The following SMYD3 variants were observed in gnomAD, a reference collection of about 807,000 sequenced individuals.
The protein encoded by SMYD3 is SET and MYND domain containing 3, also known as histone-lysine N-methyltransferase SMYD3.
SMYD3 carries 36 observed loss-of-function variants against 57.7 expected under a neutral mutation model. The ratio of observed to expected loss-of-function variants is 0.62; its 90% CI spans 0.48 to 0.82. The LOEUF (loss-of-function observed/expected upper bound fraction) is 0.82. Ranked by LOEUF, SMYD3 falls within the 40% of genes least tolerant of loss-of-function variation. The probability of loss-of-function intolerance (pLI) is 0.00; values close to 1 mark genes in which losing one functional copy is unlikely to be tolerated. For missense variants in SMYD3, 515 were observed against 538.8 expected, an observed-to-expected ratio of 0.96 and a Z score of 0.44; for synonymous variants, 211 against 195.0, an observed-to-expected ratio of 1.08 and a Z score of -0.68.
chr1:245,865,746 C>T (rs1430552932), intron 8 of SMYD3, among the ~76,000 whole-genome samples: 1 of 152,220 alleles, frequency 6.6e-6, no homozygotes, highest in African/African-American at 2.4e-5. Flanking sequence ...GCAGCAGCCA[C>T]ATTCCAAGAA....
chr1:246,047,064 A>C (rs1046126391), intron 5 of SMYD3, among the ~76,000 whole-genome samples: 7 of 152,236 alleles, frequency 4.6e-5, no homozygotes, highest in South Asian at 2.1e-4. Context: ...TTAAAATGTC[A>C]TGCTTTCTAA....
chr1:246,315,142 C>CA (rs1396688421), intron 5 of SMYD3, among the ~76,000 whole-genome samples: 2 of 152,124 alleles, frequency 1.3e-5, no homozygotes, highest in Non-Finnish European at 2.9e-5. Flanking sequence ...GCTATGGTAT[C>CA]AGAGAGTTTC....
chr1:246,417,390 G>A (rs201455889), intron 1 of SMYD3: 2 of 150,750 alleles, frequency 1.3e-5, no homozygotes, highest in African/African-American at 2.4e-5. Context: ...AGAAGGAGGG[G>A]AGGTATCTCT....
At chr1:246,410,014 G>A (rs2066937228) in intron 1 of SMYD3, among the ~76,000 whole-genome samples, 2 of 152,192 alleles carry the variant, frequency 1.3e-5, no homozygotes, top group South Asian at 4.2e-4. Flanking sequence ...ATTTTTGCAT[G>A]TTGATTTTGT....
intron 5 of SMYD3, among the ~76,000 whole-genome samples, chr1:246,097,335 C>T (rs1254652430): frequency 1.3e-5 from 2 of 152,064 alleles, no homozygotes; most frequent in African/African-American, 4.8e-5. Flanking sequence ...GTGAATTCAA[C>T]CGTCTGAAGG....
chr1:245,892,370 T>TA (rs1488434295), intron 8 of SMYD3, among the ~76,000 whole-genome samples: 8 of 152,236 alleles, frequency 5.3e-5, no homozygotes, highest in African/African-American at 1.9e-4. Context: ...ATTGAACCCT[T>TA]AAAGTAGCTT....
intron 5 of SMYD3, among the ~76,000 whole-genome samples, chr1:245,959,768 G>A (rs995802201): frequency 5.3e-5 from 8 of 152,060 alleles, no homozygotes; most frequent in Non-Finnish European, 1.2e-4. Context: ...TAGTTCACTG[G>A]ACAACATCAC....
intron 8 of SMYD3, among the ~76,000 whole-genome samples, chr1:245,877,048 A>T (rs2052526994): frequency 6.6e-6 from 1 of 152,184 alleles, no homozygotes; most frequent in Admixed American, 6.5e-5. Flanking sequence ...AGGAGAGACA[A>T]GCAGGAAGGC....
chr1:245,935,341 T>C (rs2056938406), intron 5 of SMYD3, among the ~76,000 whole-genome samples: 1 of 151,918 alleles, frequency 6.6e-6, no homozygotes, highest in South Asian at 2.1e-4. Context: ...ATTAGGAAAA[T>C]ACAAAATAAA....
intron 8 of SMYD3, among the ~76,000 whole-genome samples, chr1:245,886,781 C>A (rs1336759453): frequency 6.6e-6 from 1 of 152,194 alleles, no homozygotes; most frequent in Non-Finnish European, 1.5e-5. Flanking sequence ...TCTACACACA[C>A]TCACGTTTTT....
At chr1:246,229,999 A>G (rs1357036535) in intron 5 of SMYD3, among the ~76,000 whole-genome samples, 1 of 152,196 alleles carries the variant, frequency 6.6e-6, no homozygotes, top group African/African-American at 2.4e-5. Flanking sequence ...TCCAAGTGTT[A>G]AGCAGGTGGA....
At chr1:245,810,243 G>T (rs1490308137) in intron 10 of SMYD3, among the ~76,000 whole-genome samples, 2 of 152,278 alleles carry the variant, frequency 1.3e-5, no homozygotes, top group East Asian at 3.9e-4. Context: ...GGCTGGGAGA[G>T]GCTGTCACAG....
At chr1:246,188,209 T>C (rs1253460875) in intron 5 of SMYD3, among the ~76,000 whole-genome samples, 1 of 152,034 alleles carries the variant, frequency 6.6e-6, no homozygotes, top group Non-Finnish European at 1.5e-5. Flanking sequence ...GCACAAACCA[T>C]GAAGCAAACA....
chr1:246,297,039 A>G (rs1375456919), intron 5 of SMYD3, among the ~76,000 whole-genome samples: 5 of 152,218 alleles, frequency 3.3e-5, no homozygotes, highest in African/African-American at 1.2e-4. Context: ...AGTTTGGGCA[A>G]TGATTCAGGG....
At chr1:246,440,367 C>T (rs1447642308) in intron 1 of SMYD3, among the ~76,000 whole-genome samples, 4 of 152,072 alleles carry the variant, frequency 2.6e-5, no homozygotes, top group Non-Finnish European at 2.9e-5. Context: ...TTGCCAAGCA[C>T]GACATTAGCA....
intron 1 of SMYD3, among the ~76,000 whole-genome samples, chr1:246,405,761 T>C (rs1448042866): frequency 3.3e-5 from 5 of 151,624 alleles, no homozygotes; most frequent in African/African-American, 7.3e-5. Context: ...ACAAAAAAAA[T>C]TAGCCGGGCG....
intron 5 of SMYD3, among the ~76,000 whole-genome samples, chr1:246,155,880 C>CA (rs1454376293): frequency 1.3e-5 from 2 of 151,950 alleles, no homozygotes; most frequent in East Asian, 3.9e-4. Context: ...CCTGGCTACT[C>CA]AGAGGCTGAG....
intron 5 of SMYD3, among the ~76,000 whole-genome samples, chr1:246,216,690 A>T (rs1420919236): frequency 6.6e-6 from 1 of 152,180 alleles, no homozygotes; most frequent in Admixed American, 6.5e-5. Flanking sequence ...TAAAGGCATA[A>T]AAGAAGTTGT....
At chr1:246,186,679 G>C in intron 5 of SMYD3, 4 of 892,850 alleles carry the variant, frequency 4.5e-6, no homozygotes, top group Non-Finnish European at 5.4e-6. Context: ...AACTTGACCT[G>C]TGAGAGTCTG....
Sources: gnomAD v4.1 joint callset for allele counts (sites outside exome capture counted in the v4.1 genomes callset) on GRCh38, gnomAD v4.1.1 for gene constraint, MANE v1.5 for transcripts, NCBI Gene and HGNC (gene_info 2026-07-23, HGNC 2026-07-21) for gene names.